SLC16A4: variants seen among roughly 807,000 people sequenced by gnomAD.
SLC16A4 encodes the protein solute carrier family 16 member 4.
Under a neutral mutation model 47.9 loss-of-function variants are expected in SLC16A4, and 39 were observed. The observed-to-expected ratio is 0.81, with a 90% CI of 0.63 to 1.06. SLC16A4 has a LOEUF of 1.06. SLC16A4 is among the 50% of genes least tolerant of loss of function. SLC16A4 has a pLI of 0.00. For synonymous variants in SLC16A4, 189 were observed against 199.9 expected (o/e 0.95, Z 0.46); for missense variants, 524 against 573.8 (o/e 0.91, Z 0.89).
At chr1:110,388,055 C>T (rs368868775) in intron 2 of SLC16A4, among the ~76,000 whole-genome samples, 4 of 152,088 alleles carry the variant, frequency 2.6e-5, no homozygotes, top group Non-Finnish European at 5.9e-5. Context: ...TACCTTTCCC[C>T]GTGAGCTGCT....
rs760966020 is a variant in SLC16A4, at chr1:110,379,245, C to T, written c.638G>A (p.Ser213Asn). The T allele has an allele frequency of 3.7e-5, 60 of 1,614,054 alleles. No homozygotes were observed. The highest frequency in any genetic ancestry group is 1.6e-4 in the Middle Eastern group (1 of 6,084). Residue 213 changes from serine to asparagine, a missense_variant, in exon 6 of 9, where the codon AGC (serine) becomes AAC (asparagine). Transcript: ENST00000369779. ...ENNSGIKDKG[S>N]SLSAHGPEAH... ...CTCTGGACCATGTGCAGACAAACTG[C>T]TGCCTTTATCTTTAATACCAGAATT... is the stretch of plus-strand genomic sequence containing the variant.
chr1:110,365,526 C>T (rs996281421), intron 8 of SLC16A4, among the ~76,000 whole-genome samples: 1 of 152,168 alleles, frequency 6.6e-6, no homozygotes, highest in African/African-American at 2.4e-5. Context: ...TGATTAGTGA[C>T]CTCTATTAAA....
chr1:110,364,098 G>C (rs1661233756), intron 8 of SLC16A4, among the ~76,000 whole-genome samples: 1 of 152,130 alleles, frequency 6.6e-6, no homozygotes, highest in Admixed American at 6.5e-5. Flanking sequence ...ATCTTACAGT[G>C]GAAGTTGGAG....
chr1:110,382,813 A>C (rs758347564), intron 3 of SLC16A4, 21 bp downstream of exon 3: 2 of 1,553,858 alleles, frequency 1.3e-6, no homozygotes, highest in Non-Finnish European at 1.7e-6. Flanking sequence ...TTAGACAGCA[A>C]GCTTATTGCC....
chr1:110,365,769 A>G (rs1040541558), intron 8 of SLC16A4, among the ~76,000 whole-genome samples: 2 of 152,180 alleles, frequency 1.3e-5, no homozygotes, highest in South Asian at 4.1e-4. Flanking sequence ...CTGTGTATGT[A>G]TATGTGTATA....
chr1:110,376,952 G>A lies in SLC16A4; in HGVS notation c.1240C>T (p.Leu414=), dbSNP rs568169686. 6.2e-7 allele frequency: 1 copy of A among 1,612,462 alleles called. No individual in the cohort carries two copies. Among genetic ancestry groups the A allele is most frequent in the South Asian group, 1.1e-5 (1 of 90,942 alleles). Residue 414 remains leucine (L), a splice_region_variant and synonymous_variant, in exon 7 of 9, where the codon CTG becomes TTG. Transcript: ENST00000369779. ...TGTTAATGAGTGTGTCTACTCACCA[G>A]TACAGGCAGTATCAATGCCAGGTAA... ...GGYLALILPV[L]VDLCRNSTVN... is the part of the protein sequence containing the mutation.
rs184077956 is a variant in SLC16A4, at chr1:110,366,793, C to T, written c.1337-2900G>A. 8.2e-4 allele frequency among the ~76,000 whole-genome samples: 125 copies of T among 152,152 alleles called. 1 individual carries two copies. The highest frequency in any genetic ancestry group is 2.8e-3 in the Admixed American group (43 of 15,288). ...TATTTAATATATTTTCTTACCAGGG[C>T]GGGGAATTGTTTAGCATGTTTTAGA... On this transcript the variant is annotated intron_variant, in intron 8 of 8. Transcript: ENST00000369779.
intron 2 of SLC16A4, among the ~76,000 whole-genome samples, chr1:110,385,997 AG>A (rs1272039359): frequency 1.6e-4 from 25 of 152,224 alleles, no homozygotes; most frequent in African/African-American, 5.5e-4. Flanking sequence ...GGAATAATAC[AG>A]TGCATCATTC....
chr1:110,371,925 T>G (rs1179521517), intron 8 of SLC16A4: 1 of 152,174 alleles, frequency 6.6e-6, no homozygotes, highest in Non-Finnish European at 1.5e-5. Context: ...AATCTCTCAG[T>G]TTCAGCAAAG....
chr1:110,386,543 G>A (rs188958102), intron 2 of SLC16A4, among the ~76,000 whole-genome samples: 238 of 152,106 alleles, frequency 1.6e-3, no homozygotes, highest in African/African-American at 5.4e-3. Context: ...CAGTTAATTG[G>A]GTTGAACCTG....
chr1:110,375,677 G>C (rs1661959693), intron 7 of SLC16A4, 126 bp from the exon 8 acceptor site: 1 of 565,772 alleles, frequency 1.8e-6, no homozygotes, highest in Non-Finnish European at 3.2e-6. Context: ...GGGTGAGTTG[G>C]TTGGCTTTTT....
chr1:110,380,899 G>A (rs895722959), intron 5 of SLC16A4, 83 bp downstream of exon 5: 9 of 1,254,752 alleles, frequency 7.2e-6, no homozygotes, highest in Non-Finnish European at 1.0e-5. Context: ...TGCTCTGAAA[G>A]TCTTAACTTC....
In SLC16A4 at chr1:110,378,914, T is replaced by C. The variant is rs374322524; in HGVS notation, c.969A>G (p.Val323=). 1.2e-6 allele frequency: 2 copies of C among 1,614,196 alleles called. No individual in the cohort carries two copies. The change falls in exon 6 of 9, where the codon GTA becomes GTG. Residue 323 remains valine, a synonymous_variant. Coordinates refer to ENST00000369779, the MANE Select transcript of SLC16A4 (RefSeq NM_004696.3). ...LAYFIPTFHL[V]ARAKTLGIDI... is the part of the protein sequence containing the mutation. Reference sequence around the variant, plus strand: ...CAATCCCCAGTGTTTTGGCTCTGGCTACCAGGTGAAAGGTAGGGATGAAGT... The same window carrying C: ...CAATCCCCAGTGTTTTGGCTCTGGCCACCAGGTGAAAGGTAGGGATGAAGT...
intron 2 of SLC16A4, among the ~76,000 whole-genome samples, chr1:110,386,956 C>G (rs565847971): frequency 6.6e-6 from 1 of 152,304 alleles, no homozygotes; most frequent in African/African-American, 2.4e-5. Context: ...TATTTGACCT[C>G]TCAGTAGCAT....
chr1:110,369,739 G>C (rs1327888491), intron 8 of SLC16A4, among the ~76,000 whole-genome samples: 1 of 152,170 alleles, frequency 6.6e-6, no homozygotes, highest in Non-Finnish European at 1.5e-5. Context: ...AAATTTCCAA[G>C]GTGTGCAAAG....
chr1:110,389,162 G>T (rs1022643235), intron 2 of SLC16A4, 75 bp downstream of exon 2: 10 of 1,206,674 alleles, frequency 8.3e-6, no homozygotes, highest in Middle Eastern at 1.9e-4. Flanking sequence ...GATCCTATTC[G>T]TAGGCAGCTC....
intron 2 of SLC16A4, 100 bp from the exon 3 acceptor site, chr1:110,383,066 T>G: frequency 8.9e-7 from 1 of 1,120,240 alleles, no homozygotes; most frequent in Non-Finnish European, 1.2e-6. Flanking sequence ...CTTACTACTA[T>G]TTACCAGTTT....
rs1369091243 is a variant in SLC16A4 at position 110,379,262 on chromosome 1, A to G, written c.621T>C (p.Gly207=). Residue 207 remains glycine, a synonymous_variant, in exon 6 of 9, where the codon GGT becomes GGC. Transcript: ENST00000369779. ...ACAAACTGCTGCCTTTATCTTTAAT[A>G]CCAGAATTGTTCTCACTTTTGATAT... ...PIHIKSENNS[G]IKDKGSSLSA... is the part of the protein sequence containing the mutation. The G allele has an allele frequency of 2.5e-6, 4 of 1,614,136 alleles. No homozygotes were observed. Among genetic ancestry groups the G allele is most frequent in the Non-Finnish European group, 3.4e-6 (4 of 1,180,018 alleles).
chr1:110,369,428 A>G (rs1661575179), intron 8 of SLC16A4, among the ~76,000 whole-genome samples: 1 of 151,968 alleles, frequency 6.6e-6, no homozygotes. Flanking sequence ...GGTGAATCCC[A>G]TCTCTACTAA....
Sources: gnomAD v4.1 joint callset for allele counts (sites outside exome capture counted in the v4.1 genomes callset) on GRCh38, gnomAD v4.1.1 for gene constraint, MANE v1.5 for transcripts, NCBI Gene and HGNC (gene_info 2026-07-23, HGNC 2026-07-21) for gene names.